Variants in MTNR1A observed in about 807,000 individuals in gnomAD.
The protein encoded by MTNR1A is melatonin receptor type 1A.
Under a neutral mutation model 5.5 loss-of-function variants are expected in MTNR1A, and 7 were observed. The ratio of observed to expected loss-of-function variants is 1.28; its 90% confidence interval spans 0.73 to 2.40. MTNR1A has a LOEUF of 2.40. Among genes scored for constraint, MTNR1A ranks in the 30% most tolerant of loss-of-function variants. The pLI is 0.00. For synonymous variants in MTNR1A, 196 were observed against 202.7 expected (o/e 0.97, Z 0.28); for missense variants, 441 against 464.4 (o/e 0.95, Z 0.46).
At chr4:186,540,099 G>A (rs1023554353) in intron 1 of MTNR1A, among the ~76,000 whole-genome samples, 1 of 152,124 alleles carries the variant, frequency 6.6e-6, no homozygotes, top group Non-Finnish European at 1.5e-5. Context: ...GCTTGTGCAG[G>A]GAAACTCCCC....
At chr4:186,549,628 A>C (rs1050918423) in intron 1 of MTNR1A, among the ~76,000 whole-genome samples, 5 of 152,208 alleles carry the variant, frequency 3.3e-5, no homozygotes, top group Non-Finnish European at 7.3e-5. Context: ...TTTCTGCTGT[A>C]TAAATATGCT....
rs1314050418 is a variant in MTNR1A, at chr4:186,555,075, G to A, written c.184+107C>T. On this transcript the variant is annotated intron_variant, in intron 1 of 1. Coordinates refer to ENST00000307161, the MANE Select transcript of MTNR1A (RefSeq NM_005958.4). The surrounding 1 kb of genome is among the most constrained non-coding windows in gnomAD (Gnocchi z 4.1). ...TCTCTAACAGGAAAAATAACTCCAA[G>A]TCCGCAGTGTTTAGGAAAAAGAACC... is the stretch of plus-strand genomic sequence containing the variant. 9.7e-6 allele frequency: 12 copies of A among 1,234,918 alleles called. No individual in the cohort carries two copies. The highest frequency in any genetic ancestry group is 1.4e-5 in the Non-Finnish European group (12 of 863,878). The allele number at this position is 1,234,918 out of a possible 1,614,324, so 76.5% of individuals were successfully genotyped here.
chr4:186,546,732 C>A (rs1429988881), intron 1 of MTNR1A, among the ~76,000 whole-genome samples: 1 of 149,170 alleles, frequency 6.7e-6, no homozygotes, highest in Non-Finnish European at 1.5e-5. Flanking sequence ...ACACCCTGTT[C>A]ATACAACACA....
intron 1 of MTNR1A, among the ~76,000 whole-genome samples, chr4:186,554,685 C>T (rs923409631): frequency 6.6e-6 from 1 of 152,238 alleles, no homozygotes; most frequent in Non-Finnish European, 1.5e-5. Flanking sequence ...CCGGACACAG[C>T]ACGTTTGGGA....
At position 186,553,658 on chromosome 4, in the gene MTNR1A, TG is replaced by T. The variant is rs200082130; in HGVS notation, c.184+1523del. Among the ~76,000 whole-genome samples, 73 of 152,326 alleles carry T rather than the reference TG, an allele frequency of 4.8e-4. 1 individual carries two copies. In the East Asian group the frequency reaches 8.7e-3, roughly 18 times the overall value. ...TTCCAAGTAGTTGGGATTACAGCTG[TG>T]GGCCACCACATCCAGCTAATTTTTT... On this transcript the variant is annotated intron_variant, in intron 1 of 1. Coordinates refer to ENST00000307161, the MANE Select transcript of MTNR1A (RefSeq NM_005958.4).
chr4:186,539,102 A>G (rs1373113859), intron 1 of MTNR1A, among the ~76,000 whole-genome samples: 1 of 151,806 alleles, frequency 6.6e-6, no homozygotes, highest in African/African-American at 2.4e-5. Context: ...CTGTAGTCCC[A>G]GCTACTAGGG....
rs1326748884 is a variant in MTNR1A, at chr4:186,534,007, G to T, written c.735C>A (p.Val245=). The change falls in exon 2 of 2, where the codon GTC becomes GTA. Residue 245 remains valine, a synonymous_variant. Coordinates refer to ENST00000307161, the MANE Select transcript of MTNR1A (RefSeq NM_005958.4). ...RNFVTMFVVF[V]LFAICWAPLN... ...GAGGAGCCCAGCAAATGGCAAAAAG[G>T]ACAAAAACCACAAACATGGTGACAA... 2 of 1,614,080 alleles carry T rather than the reference G, an allele frequency of 1.2e-6. No individual in the cohort carries two copies. The highest frequency in any genetic ancestry group is 1.7e-6 in the Non-Finnish European group (2 of 1,180,030).
At position 186,555,393 on chromosome 4, in the gene MTNR1A, GC is replaced by G; in HGVS notation, c.-29del. On this transcript the variant is annotated 5_prime_UTR_variant, in exon 1 of 2. Coordinates refer to ENST00000307161, the MANE Select transcript of MTNR1A (RefSeq NM_005958.4). The surrounding 1 kb of genome is among the most constrained non-coding windows in gnomAD (Gnocchi z 4.1). ...TCCCTGTGCGCGTCCCGGCCGCGGG[GC>G]CATCGCCCGCCTCGTCCGCCCGCCC... The G allele has an allele frequency of 1.5e-6, 2 of 1,371,894 alleles. No homozygotes were observed. The highest frequency in any genetic ancestry group is 1.9e-6 in the Non-Finnish European group (2 of 1,061,456). The allele number at this position is 1,371,894 out of a possible 1,614,324, so 85.0% of individuals were successfully genotyped here. A position where few individuals can be genotyped will look rare whatever the true frequency, so the allele number is the denominator to read the frequency against.
At chr4:186,535,570 C>A (rs1736826474) in intron 1 of MTNR1A, among the ~76,000 whole-genome samples, 1 of 152,132 alleles carries the variant, frequency 6.6e-6, no homozygotes, top group Admixed American at 6.5e-5. Context: ...CACCACCACA[C>A]CCGGCTCGTT....
rs1225067675 is a variant in MTNR1A at position 186,555,462 on chromosome 4, C to A, written c.-97G>T. 24 of 1,043,712 alleles carry A rather than the reference C, an allele frequency of 2.3e-5. No homozygotes were observed. Among genetic ancestry groups the A allele is most frequent in the Non-Finnish European group, 2.8e-5 (23 of 820,988 alleles). 64.7% of individuals were successfully genotyped at this position (1,043,712 alleles called of 1,614,324 possible). A position where few individuals can be genotyped will look rare whatever the true frequency, so the allele number is the denominator to read the frequency against. On this transcript the variant is annotated 5_prime_UTR_variant, in exon 1 of 2. Coordinates refer to ENST00000307161, the MANE Select transcript of MTNR1A (RefSeq NM_005958.4). This position sits in a 1 kb window ranked among gnomAD's most constrained non-coding sequence, Gnocchi z 4.1. ...CCGCCCGGCGCTCCCCGCGCCCACG[C>A]CCCATCCCGCGCGCTCCTCCACGCC...
chr4:186,541,898 C>T (rs1224658105), intron 1 of MTNR1A, among the ~76,000 whole-genome samples: 5 of 152,134 alleles, frequency 3.3e-5, no homozygotes, highest in Admixed American at 1.3e-4. Flanking sequence ...ATTAGAAAAC[C>T]GGTTATGGGG....
intron 1 of MTNR1A, among the ~76,000 whole-genome samples, chr4:186,538,050 T>A (rs1736914128): frequency 6.6e-6 from 1 of 152,220 alleles, no homozygotes; most frequent in South Asian, 2.1e-4. Flanking sequence ...ACAACTAAAA[T>A]GTCAGCTTGC....
chr4:186,533,916 GC>G lies in MTNR1A; in HGVS notation c.825del (p.Trp275CysfsTer24). 6.2e-7 allele frequency: 1 copy of G among 1,614,168 alleles called. No individual in the cohort carries two copies. The highest frequency in any genetic ancestry group is 1.3e-5 in the African/African-American group (1 of 75,032). ...PASMVPRIPE[W>X]LFVASYYMAY... is the part of the protein sequence containing the mutation. ...GCCATGTAGTAACTGGCCACAAACA[GC>G]CACTCTGGGATCCTAGGCACCATGC... On this transcript the variant is annotated frameshift_variant, in exon 2 of 2. Coordinates refer to ENST00000307161, the MANE Select transcript of MTNR1A (RefSeq NM_005958.4). LOFTEE classifies it high-confidence loss of function.
intron 1 of MTNR1A, among the ~76,000 whole-genome samples, chr4:186,539,846 A>G (rs1017714427): frequency 6.6e-6 from 1 of 152,252 alleles, no homozygotes; most frequent in Non-Finnish European, 1.5e-5. Flanking sequence ...AATTGTTTAT[A>G]GGGTTGTCCC....
intron 1 of MTNR1A, among the ~76,000 whole-genome samples, chr4:186,537,767 C>T (rs560444996): frequency 1.3e-5 from 2 of 152,344 alleles, no homozygotes; most frequent in African/African-American, 2.4e-5. Flanking sequence ...CCTACAGATA[C>T]GAGACTCAGA....
At chr4:186,552,354 G>A (rs917829433) in intron 1 of MTNR1A, among the ~76,000 whole-genome samples, 3 of 152,164 alleles carry the variant, frequency 2.0e-5, no homozygotes, top group African/African-American at 7.2e-5. Flanking sequence ...GTGAGAGCCT[G>A]TCATTTTTGC....
Position 186,533,823 on chromosome 4 carries a change from T to C in MTNR1A, c.919A>G (p.Arg307Gly), listed in dbSNP as rs1255665727. 3 of 1,614,200 alleles carry C rather than the reference T, an allele frequency of 1.9e-6. No homozygotes were observed. The highest frequency in any genetic ancestry group is 2.5e-6 in the Non-Finnish European group (3 of 1,180,034). Residue 307 changes from arginine to glycine, a missense_variant, in exon 2 of 2, where the codon AGG (arginine) becomes GGG (glycine). Transcript: ENST00000307161. ...GTACAGAGCGAGACTATAATTCTCC[T>C]GTATTCCTTCCTGAAATTTTGGTTC... is the stretch of plus-strand genomic sequence containing the variant. Reference protein sequence around the residue: ...LLNQNFRKEYRRIIVSLCTAR... With the variant: ...LLNQNFRKEYGRIIVSLCTAR...
intron 1 of MTNR1A, among the ~76,000 whole-genome samples, chr4:186,551,410 CTTG>C (rs112389662): frequency 4.0e-5 from 6 of 150,920 alleles, no homozygotes; most frequent in African/African-American, 1.2e-4. Context: ...ATATTGTCTA[CTTG>C]TTTTTTTTTT....
chr4:186,539,550 G>T (rs1171781438), intron 1 of MTNR1A, among the ~76,000 whole-genome samples: 1 of 152,204 alleles, frequency 6.6e-6, no homozygotes, highest in East Asian at 1.9e-4. Flanking sequence ...AAATCATGAG[G>T]GTGGAGCCCT....
Sources: gnomAD v4.1 joint callset for allele counts (sites outside exome capture counted in the v4.1 genomes callset) on GRCh38, gnomAD v4.1.1 for gene constraint, Gnocchi (gnomAD v3.1) non-coding constraint, MANE v1.5 for transcripts, NCBI Gene and HGNC (gene_info 2026-07-23, HGNC 2026-07-21) for gene names.